The following RGS7 variants were observed in gnomAD, a reference collection of about 807,000 sequenced individuals.
RGS7 encodes the protein regulator of G-protein signaling 7.
RGS7 carries 27 observed loss-of-function variants against 81.1 expected under a neutral mutation model. That is an observed-to-expected ratio of 0.33 (90% CI 0.25 to 0.46). RGS7 has a LOEUF of 0.46. Among genes scored for constraint, RGS7 ranks in the 20% least tolerant of loss-of-function variants. The probability of loss-of-function intolerance (pLI) is 1.00; values close to 1 mark genes in which losing one functional copy is unlikely to be tolerated. For missense variants in RGS7, 396 were observed against 607.4 expected (o/e 0.65, Z 3.66); for synonymous variants, 208 against 207.7 (o/e 1.00, Z -0.01).
chr1:241,195,674 G>T (rs1174719199), intron 2 of RGS7, among the ~76,000 whole-genome samples: 1 of 151,734 alleles, frequency 6.6e-6, no homozygotes, highest in African/African-American at 2.4e-5. Context: ...TAAAAACAAA[G>T]AAAATATAAA....
intron 2 of RGS7, among the ~76,000 whole-genome samples, chr1:241,203,777 C>A (rs1041513848): frequency 2.0e-5 from 3 of 152,004 alleles, no homozygotes; most frequent in African/African-American, 7.2e-5. Flanking sequence ...ATAATAAATC[C>A]CCTCTCTTTT....
intron 10 of RGS7, among the ~76,000 whole-genome samples, chr1:240,817,875 T>C (rs1018784189): frequency 6.6e-6 from 1 of 152,190 alleles, no homozygotes. Flanking sequence ...AATGCTGGGA[T>C]TACAGGCGTG....
chr1:241,187,833 C>T (rs2072263544), intron 2 of RGS7, among the ~76,000 whole-genome samples: 1 of 152,164 alleles, frequency 6.6e-6, no homozygotes, highest in Admixed American at 6.5e-5. Context: ...AACTGTTTAG[C>T]TTAATTCCAT....
intron 2 of RGS7, among the ~76,000 whole-genome samples, chr1:241,230,502 C>T (rs913029868): frequency 6.6e-6 from 1 of 152,218 alleles, no homozygotes; most frequent in South Asian, 2.1e-4. Flanking sequence ...TCATGAGCCA[C>T]CGCACCCGGC....
intron 2 of RGS7, among the ~76,000 whole-genome samples, chr1:241,225,381 T>C (rs1364588433): frequency 1.3e-5 from 2 of 152,248 alleles, no homozygotes; most frequent in African/African-American, 2.4e-5. Flanking sequence ...AGGTATAATA[T>C]ACCTGACCTC....
At chr1:240,886,892 T>A (rs1279365499) in intron 6 of RGS7, among the ~76,000 whole-genome samples, 1 of 152,210 alleles carries the variant, frequency 6.6e-6, no homozygotes, top group Non-Finnish European at 1.5e-5. Context: ...CCATGTGGTA[T>A]AATAGAAGGA....
At chr1:240,812,763 G>A (rs971469019) in intron 13 of RGS7, among the ~76,000 whole-genome samples, 1 of 152,002 alleles carries the variant, frequency 6.6e-6, no homozygotes, top group South Asian at 2.1e-4. Context: ...CGCCACACAG[G>A]GTCATGCAGG....
chr1:240,888,818 A>T (rs1394700130), intron 6 of RGS7, among the ~76,000 whole-genome samples: 1 of 152,150 alleles, frequency 6.6e-6, no homozygotes, highest in Non-Finnish European at 1.5e-5. Flanking sequence ...GAATCGACTC[A>T]GTTAACCACT....
chr1:241,190,240 G>T (rs1355492902), intron 2 of RGS7, among the ~76,000 whole-genome samples: 1 of 152,136 alleles, frequency 6.6e-6, no homozygotes, highest in Non-Finnish European at 1.5e-5. Context: ...GACATAGTAA[G>T]TCTTGAAATG....
intron 2 of RGS7, among the ~76,000 whole-genome samples, chr1:241,153,543 A>G (rs138581789): frequency 1.3e-5 from 2 of 152,328 alleles, no homozygotes; most frequent in African/African-American, 2.4e-5. Flanking sequence ...CTGCTCCTCC[A>G]GAAAGACATT....
chr1:240,994,508 A>G (rs1285804612), intron 3 of RGS7, among the ~76,000 whole-genome samples: 1 of 152,146 alleles, frequency 6.6e-6, no homozygotes, highest in Non-Finnish European at 1.5e-5. Context: ...ACTTTTGTAT[A>G]TTTATTGCAT....
chr1:241,040,134 G>C (rs79877813), intron 3 of RGS7, among the ~76,000 whole-genome samples: 1 of 152,312 alleles, frequency 6.6e-6, no homozygotes, highest in African/African-American at 2.4e-5. Context: ...ACTGTGAAGA[G>C]TATCACCTGA....
At chr1:241,322,835 A>G (rs781542551) in intron 2 of RGS7, among the ~76,000 whole-genome samples, 1 of 152,218 alleles carries the variant, frequency 6.6e-6, no homozygotes, top group Non-Finnish European at 1.5e-5. Flanking sequence ...ATTTTTTTTA[A>G]CAAAATGTAA....
At chr1:240,832,965 C>T (rs1205495534) in intron 9 of RGS7, among the ~76,000 whole-genome samples, 2 of 152,004 alleles carry the variant, frequency 1.3e-5, no homozygotes, top group African/African-American at 2.4e-5. Context: ...AGTACCAAAC[C>T]CTATATATGC....
intron 2 of RGS7, among the ~76,000 whole-genome samples, chr1:241,311,469 G>C (rs1481499820): frequency 6.6e-6 from 1 of 152,218 alleles, no homozygotes; most frequent in African/African-American, 2.4e-5. Flanking sequence ...TTGGCTCATG[G>C]AAGTGAGCAC....
intron 4 of RGS7, among the ~76,000 whole-genome samples, chr1:240,981,724 G>A (rs1353510784): frequency 3.9e-5 from 6 of 152,152 alleles, no homozygotes; most frequent in Non-Finnish European, 8.8e-5. Flanking sequence ...CTTCAACAAT[G>A]AGTATTTTAA....
At chr1:241,301,367 G>C (rs531480913) in intron 2 of RGS7, among the ~76,000 whole-genome samples, 19 of 152,206 alleles carry the variant, frequency 1.2e-4, no homozygotes, top group Non-Finnish European at 2.8e-4. Context: ...TCCCTGCTTA[G>C]GTCATGACAC....
intron 2 of RGS7, among the ~76,000 whole-genome samples, chr1:241,138,828 A>T (rs1029065448): frequency 6.6e-6 from 1 of 152,030 alleles, no homozygotes; most frequent in Non-Finnish European, 1.5e-5. Flanking sequence ...GCTTTTTTTA[A>T]AAAATATAAC....
intron 2 of RGS7, among the ~76,000 whole-genome samples, chr1:241,179,993 G>A (rs889633931): frequency 3.3e-5 from 5 of 152,224 alleles, no homozygotes; most frequent in African/African-American, 4.8e-5. Flanking sequence ...TGAGAAAAAC[G>A]AAATGTTATG....
Sources: allele counts gnomAD v4.1 joint callset (sites outside exome capture counted in the v4.1 genomes callset), GRCh38; gene constraint gnomAD v4.1.1; transcripts MANE v1.5; gene names NCBI Gene and HGNC (gene_info 2026-07-23, HGNC 2026-07-21).